Variants in DSP observed in about 807,000 individuals in gnomAD.
DSP encodes desmoplakin.
Under a neutral mutation model 290.6 loss-of-function variants are expected in DSP, and 114 were observed. The observed-to-expected ratio is 0.39, with a 90% CI of 0.34 to 0.46. The LOEUF (loss-of-function observed/expected upper bound fraction) is 0.46. DSP is among the 20% of genes least tolerant of loss of function. DSP has a pLI of 0.99. For synonymous variants in DSP, 1,311 were observed against 1,316.4 expected (o/e 1.00, Z 0.09); for missense variants, 3,230 against 3,495.8 (o/e 0.92, Z 1.92).
rs536009975 is a variant in DSP at position 7,579,604 on chromosome 6, C to T, written c.3414C>T (p.Asp1138=). Reference sequence around the variant, plus strand: ...ACAGATTTGACCAACAGAAGAATGACTATGACCAACTGCAGAAAGCAAGGC... The same window carrying T: ...ACAGATTTGACCAACAGAAGAATGATTATGACCAACTGCAGAAAGCAAGGC... ...VEDRFDQQKN[D]YDQLQKARQC... is the part of the protein sequence containing the mutation. Residue 1138 remains aspartate, a synonymous_variant, in exon 23 of 24, where the codon GAC becomes GAT. Transcript: ENST00000379802. This position sits in a 1 kb window ranked among gnomAD's most constrained non-coding sequence, Gnocchi z 4.1. 2.5e-6 allele frequency: 4 copies of T among 1,613,936 alleles called. No homozygotes were observed. Among genetic ancestry groups the T allele is most frequent in the East Asian group, 2.2e-5 (1 of 44,880 alleles).
In DSP at chr6:7,562,730, A is replaced by G. The variant is rs375407471; in HGVS notation, c.676A>G (p.Asn226Asp). The G allele has an allele frequency of 1.2e-6, 2 of 1,614,042 alleles. No homozygotes were observed. Among genetic ancestry groups the G allele is most frequent in the Non-Finnish European group, 8.5e-7 (1 of 1,180,022 alleles). ...CATTAACAGCCACCGGGGCATCCAC[A>G]ACTCCATCGGCGACTATCGCTGGCA... is the stretch of plus-strand genomic sequence containing the variant. ...QHINSHRGIHNSIGDYRWQLD... is the reference protein window; with the variant it reads ...QHINSHRGIHDSIGDYRWQLD... The change falls in exon 5 of 24, where the codon AAC (asparagine) becomes GAC (aspartate). Residue 226 changes from asparagine (N) to aspartate (D), a missense_variant. Asn to Asp is a conservative substitution (Grantham distance 23). Coordinates refer to ENST00000379802, the MANE Select transcript of DSP (RefSeq NM_004415.4).
chr6:7,553,693 G>A (rs1027637288), intron 1 of DSP, among the ~76,000 whole-genome samples: 2 of 152,188 alleles, frequency 1.3e-5, no homozygotes, highest in Non-Finnish European at 2.9e-5. Flanking sequence ...ATGAGAAACG[G>A]ACCTCATTTC....
chr6:7,545,940 T>C (rs2113638054), intron 1 of DSP, among the ~76,000 whole-genome samples: 1 of 152,262 alleles, frequency 6.6e-6, no homozygotes, highest in Admixed American at 6.5e-5. Context: ...GGAAGAAGCA[T>C]CCTTTTTTGA....
intron 10 of DSP, 88 bp downstream of exon 10, chr6:7,567,994 T>C (rs1333418962): frequency 6.4e-7 from 1 of 1,572,204 alleles, no homozygotes; most frequent in African/African-American, 1.3e-5. Context: ...CTGATTAGTA[T>C]TATTGTACAA....
chr6:7,541,825 T>G lies in DSP; in HGVS notation c.-91T>G. 1 of 1,462,844 alleles carries G rather than the reference T, an allele frequency of 6.8e-7. No homozygotes were observed. Among genetic ancestry groups the G allele is most frequent in the South Asian group, 1.3e-5 (1 of 74,438 alleles). 90.6% of individuals were successfully genotyped at this position (1,462,844 alleles called of 1,614,324 possible). A position where few individuals can be genotyped will look rare whatever the true frequency, so the allele number is the denominator to read the frequency against. Reference sequence around the variant, plus strand: ...GCACTCCCGCCCGGTTCCCCGGCCGTCCGCCTATCCTTGGCCCCCTCCGCT... The same window carrying G: ...GCACTCCCGCCCGGTTCCCCGGCCGGCCGCCTATCCTTGGCCCCCTCCGCT... On this transcript the variant is annotated 5_prime_UTR_variant, in exon 1 of 24. Transcript: ENST00000379802.
chr6:7,563,039 T>C (rs1388531892), intron 5 of DSP, among the ~76,000 whole-genome samples: 1 of 152,194 alleles, frequency 6.6e-6, no homozygotes, highest in Non-Finnish European at 1.5e-5. Context: ...TAAGTCTCTT[T>C]AGGGGTGGCA....
At chr6:7,542,414 G>A (rs764405806) in intron 1 of DSP, among the ~76,000 whole-genome samples, 8 of 152,170 alleles carry the variant, frequency 5.3e-5, no homozygotes, top group Non-Finnish European at 8.8e-5. Context: ...CCCAGCCCGC[G>A]AATGGGAGGT....
intron 1 of DSP, among the ~76,000 whole-genome samples, chr6:7,543,123 C>T (rs1758062668): frequency 6.6e-6 from 1 of 152,162 alleles, no homozygotes; most frequent in African/African-American, 2.4e-5. Flanking sequence ...ACTCTAGATG[C>T]CCACGTGAGC....
chr6:7,568,726 A>G (rs769095380), intron 11 of DSP, 137 bp downstream of exon 11: 5 of 961,388 alleles, frequency 5.2e-6, no homozygotes, highest in African/African-American at 1.6e-5. Flanking sequence ...ATCAGCAGCT[A>G]TGGAACAAAA....
chr6:7,565,424 G>A lies in DSP; in HGVS notation c.843G>A (p.Arg281=), dbSNP rs1427960878. Residue 281 remains arginine, a synonymous_variant, in exon 7 of 24, where the codon AGG becomes AGA. Transcript: ENST00000379802. The surrounding 1 kb of genome is among the most constrained non-coding windows in gnomAD (Gnocchi z 4.2). ...AGAACATCATTCAGGCCACGTCCAG[G>A]GAGATCATGTGGATCAATGACTGCG... ...QLQNIIQATS[R]EIMWINDCEE... is the part of the protein sequence containing the mutation. 2 of 1,614,112 alleles carry A rather than the reference G, an allele frequency of 1.2e-6. No homozygotes were observed. Among genetic ancestry groups the A allele is most frequent in the Non-Finnish European group, 1.7e-6 (2 of 1,180,012 alleles).
At chr6:7,542,356 G>A (rs1758020487) in intron 1 of DSP, among the ~76,000 whole-genome samples, 1 of 152,150 alleles carries the variant, frequency 6.6e-6, no homozygotes, top group African/African-American at 2.4e-5. Context: ...CGTCGGGCCC[G>A]CGCGGGGCTG....
chr6:7,579,173 A>G lies in DSP; in HGVS notation c.3085-102A>G, dbSNP rs1416722176. On this transcript the variant is annotated intron_variant, in intron 22 of 23. Transcript: ENST00000379802. This position sits in a 1 kb window ranked among gnomAD's most constrained non-coding sequence, Gnocchi z 4.1. ...TGCATGTATGTCCATGTGTGTAAAGAGAAATAAGAATGCACATTGGTCTGG... is the reference window on the plus strand; with the variant it reads ...TGCATGTATGTCCATGTGTGTAAAGGGAAATAAGAATGCACATTGGTCTGG... 2 of 1,491,062 alleles carry G rather than the reference A, an allele frequency of 1.3e-6. No homozygotes were observed. The highest frequency in any genetic ancestry group is 2.4e-5 in the East Asian group (1 of 41,524). 92.4% of individuals were successfully genotyped at this position (1,491,062 alleles called of 1,614,324 possible). A position where few individuals can be genotyped will look rare whatever the true frequency, so the allele number is the denominator to read the frequency against.
At chr6:7,553,156 C>T (rs1410796378) in intron 1 of DSP, among the ~76,000 whole-genome samples, 2 of 151,902 alleles carry the variant, frequency 1.3e-5, no homozygotes, top group Non-Finnish European at 2.9e-5. Context: ...TTTTTAACAG[C>T]GGGGTTTTAT....
At chr6:7,574,470 G>C (rs1759167706) in intron 16 of DSP, among the ~76,000 whole-genome samples, 187 bp from the exon 17 acceptor site, 1 of 151,996 alleles carries the variant, frequency 6.6e-6, no homozygotes, top group Non-Finnish European at 1.5e-5. Context: ...ATGCTCTAAG[G>C]GCCAGAACTT....
Position 7,566,380 on chromosome 6 carries a change from C to T in DSP, c.943C>T (p.Arg315Cys), listed in dbSNP as rs200476515. ...IAQKQEAFSIRMSQLEVKEKE... is the reference protein window; with the variant it reads ...IAQKQEAFSICMSQLEVKEKE... The stretch of plus-strand genomic sequence containing the variant: ...TTTCTTATTTCTTCATTCACAGATA[C>T]GCATGAGTCAACTGGAAGTTAAAGA... Residue 315 changes from arginine to cysteine, a missense_variant, in exon 8 of 24, where the codon CGC (arginine) becomes TGC (cysteine). Around this residue, in one of 5 missense-constraint regions of DSP, gnomAD observed 646 missense variants for 684.3 expected, o/e 0.94. Coordinates refer to ENST00000379802, the MANE Select transcript of DSP (RefSeq NM_004415.4). The T allele has an allele frequency of 1.4e-4, 223 of 1,612,036 alleles. No individual in the cohort carries two copies. The highest frequency in any genetic ancestry group is 5.4e-4 in the East Asian group (24 of 44,858).
At chr6:7,563,945 G>A (rs1758782392) in intron 6 of DSP, among the ~76,000 whole-genome samples, 159 bp downstream of exon 6, 1 of 152,236 alleles carries the variant, frequency 6.6e-6, no homozygotes, top group African/African-American at 2.4e-5. Flanking sequence ...TTTAAAAGTT[G>A]TTTTCTTTTC....
Position 7,580,534 on chromosome 6 carries a change from G to A in DSP, c.4344G>A (p.Glu1448=). The A allele has an allele frequency of 6.2e-7, 1 of 1,614,166 alleles. No homozygotes were observed. The highest frequency in any genetic ancestry group is 8.5e-7 in the Non-Finnish European group (1 of 1,180,040). Residue 1448 remains glutamate, a synonymous_variant, in exon 23 of 24, where the codon GAG becomes GAA. Transcript: ENST00000379802. This position sits in a 1 kb window ranked among gnomAD's most constrained non-coding sequence, Gnocchi z 4.2. The stretch of plus-strand genomic sequence containing the variant: ...TGTCTCAGAGGAAACAGCAGCTGGA[G>A]GTTGAGCTGAGACAAGTCACTCAGA... ...SEVSQRKQQL[E]VELRQVTQMR...
intron 1 of DSP, among the ~76,000 whole-genome samples, chr6:7,551,640 A>AT (rs1422149009): frequency 1.3e-5 from 2 of 152,162 alleles, no homozygotes; most frequent in East Asian, 3.9e-4. Flanking sequence ...AAAAAAAAAA[A>AT]ACAGGCATGT....
At position 7,569,224 on chromosome 6, in the gene DSP, C is replaced by G; in HGVS notation, c.1458C>G (p.Asp486Glu). The G allele has an allele frequency of 6.2e-7, 1 of 1,614,182 alleles. No homozygotes were observed. Among genetic ancestry groups the G allele is most frequent in the Non-Finnish European group, 8.5e-7 (1 of 1,180,034 alleles). The change falls in exon 12 of 24, where the codon GAC (aspartate) becomes GAG (glutamate). Residue 486 changes from aspartate (D) to glutamate (E), a missense_variant. Asp to Glu is a conservative substitution (Grantham distance 45). Coordinates refer to ENST00000379802, the MANE Select transcript of DSP (RefSeq NM_004415.4). ...AGGGGGATGAGTGTATCCTGAAGGACAACAACGAGCGCAGCAAGTGGTACG... is the reference window on the plus strand; with the variant it reads ...AGGGGGATGAGTGTATCCTGAAGGAGAACAACGAGCGCAGCAAGTGGTACG... Reference protein sequence around the residue: ...VHKGDECILKDNNERSKWYVT... With the variant: ...VHKGDECILKENNERSKWYVT...
Sources: gnomAD v4.1 joint callset for allele counts (sites outside exome capture counted in the v4.1 genomes callset) on GRCh38, gnomAD v4.1.1 for gene constraint, gnomAD v4.1.1 regional missense constraint, Gnocchi (gnomAD v3.1) non-coding constraint, MANE v1.5 for transcripts, NCBI Gene and HGNC (gene_info 2026-07-23, HGNC 2026-07-21) for gene names.